COBLL1: variants seen among roughly 807,000 people sequenced by gnomAD.
COBLL1 encodes the protein cordon-bleu WH2 repeat protein like 1, also known as cordon-bleu protein-like 1.
COBLL1 carries 50 observed loss-of-function variants against 94.8 expected under a neutral mutation model. That is an observed-to-expected ratio of 0.53 (90% CI 0.42 to 0.67). The LOEUF (loss-of-function observed/expected upper bound fraction) is 0.67, where lower values mean the gene tolerates loss of function less well. COBLL1 is among the 30% of genes least tolerant of loss of function. COBLL1 has a pLI of 0.00. For missense variants in COBLL1, 1,362 were observed against 1,348.7 expected, an observed-to-expected ratio of 1.01 and a Z score of -0.15; for synonymous variants, 448 against 473.8, an observed-to-expected ratio of 0.95 and a Z score of 0.71.
chr2:164,679,200 T>C (rs988876755), downstream of COBLL1, among the ~76,000 whole-genome samples: 2 of 152,136 alleles, frequency 1.3e-5, no homozygotes, highest in Non-Finnish European at 2.9e-5. Context: ...AAGGCCATAC[T>C]TCTCTAAAGC....
Position 164,743,653 on chromosome 2 carries a change from G to C in COBLL1, c.230+34C>G, listed in dbSNP as rs1375877741. ...AGACTTTCAATGGTGGAATAAGAAG[G>C]GGAGGTCCTGATATTTCATTTACTC... On this transcript the variant is annotated intron_variant, in intron 3 of 13. Coordinates refer to ENST00000652658, the MANE Select transcript of COBLL1 (RefSeq NM_001365672.2). The C allele has an allele frequency of 5.3e-6, 8 of 1,518,642 alleles. No homozygotes were observed. The South Asian group carries it at 7.9e-5, about 15-fold the overall frequency. 94.1% of individuals were successfully genotyped at this position (1,518,642 alleles called of 1,614,324 possible).
intron 2 of COBLL1, among the ~76,000 whole-genome samples, chr2:164,745,713 C>T (rs1033334027): frequency 1.3e-5 from 2 of 152,126 alleles, no homozygotes; most frequent in Admixed American, 1.3e-4. Flanking sequence ...AGATGGGAAA[C>T]ATGAGCTGGG....
At chr2:164,711,467 T>C (rs965982129) in intron 7 of COBLL1, among the ~76,000 whole-genome samples, 2 of 152,214 alleles carry the variant, frequency 1.3e-5, no homozygotes, top group African/African-American at 2.4e-5. Flanking sequence ...GTGCCCAATG[T>C]TCAGGAACCA....
intron 2 of COBLL1, among the ~76,000 whole-genome samples, chr2:164,763,242 C>T (rs1198327120): frequency 1.3e-5 from 2 of 151,150 alleles, no homozygotes; most frequent in Non-Finnish European, 2.9e-5. Context: ...TAGTTTTATG[C>T]AAAAATATAC....
intron 1 of COBLL1, among the ~76,000 whole-genome samples, chr2:164,670,037 A>G (rs1383122029): frequency 1.3e-5 from 2 of 152,228 alleles, no homozygotes; most frequent in Non-Finnish European, 2.9e-5. Flanking sequence ...AAAATATAAT[A>G]CAGATAATAA....
rs1683573726 is a variant in COBLL1, at chr2:164,841,030, G to A, written c.41+126C>T. The A allele has an allele frequency of 1.9e-6, 2 of 1,037,508 alleles. No homozygotes were observed. Among genetic ancestry groups the A allele is most frequent in the Admixed American group, 8.6e-5 (2 of 23,168 alleles). The allele number at this position is 1,037,508 out of a possible 1,614,324, so 64.3% of individuals were successfully genotyped here. On this transcript the variant is annotated intron_variant, in intron 2 of 13. Transcript: ENST00000652658. This position sits in a 1 kb window ranked among gnomAD's most constrained non-coding sequence, Gnocchi z 5.5. Reference sequence around the variant, plus strand: ...GAAGCAGCCTCCCCGGCCGCGTGGAGGACAGTCAGTGAGTCAGGCCGCCGG... The same window carrying A: ...GAAGCAGCCTCCCCGGCCGCGTGGAAGACAGTCAGTGAGTCAGGCCGCCGG...
At chr2:164,798,581 A>C (rs1432567214) in intron 2 of COBLL1, among the ~76,000 whole-genome samples, 1 of 152,236 alleles carries the variant, frequency 6.6e-6, no homozygotes, top group Non-Finnish European at 1.5e-5. Flanking sequence ...CATTTTCTTG[A>C]GAGGGAGTGG....
At chr2:164,840,270 T>C (rs1683525214) in intron 2 of COBLL1, among the ~76,000 whole-genome samples, 1 of 152,174 alleles carries the variant, frequency 6.6e-6, no homozygotes, top group South Asian at 2.1e-4. Flanking sequence ...ATAAACTATG[T>C]TGGAGGAACA....
intron 2 of COBLL1, among the ~76,000 whole-genome samples, chr2:164,760,417 G>A (rs1235333114): frequency 6.6e-6 from 1 of 152,190 alleles, no homozygotes; most frequent in Admixed American, 6.5e-5. Context: ...GGGTTAACAT[G>A]AGGGAGTTTC....
intron 2 of COBLL1, among the ~76,000 whole-genome samples, chr2:164,744,883 T>C (rs1283095877): frequency 1.3e-5 from 2 of 152,188 alleles, no homozygotes; most frequent in East Asian, 1.9e-4. Flanking sequence ...TGAACTTACA[T>C]AGGCCAATCC....
At chr2:164,841,871 G>T, upstream of COBLL1, 2 of 1,023,100 alleles carry the variant, frequency 2.0e-6, no homozygotes, top group South Asian at 3.0e-5. This position sits in a 1 kb window ranked among gnomAD's most constrained non-coding sequence, Gnocchi z 5.5. Flanking sequence ...GGGCAGGGCC[G>T]ACTCAGCACC....
chr2:164,672,770 G>A lies in COBLL1; in HGVS notation n.127-6869C>T, dbSNP rs143755173. 8.3e-3 allele frequency among the ~76,000 whole-genome samples: 1,258 copies of A among 151,028 alleles called. 10 individuals are homozygous for A. The highest frequency in any genetic ancestry group is 0.021 in the African/African-American group (879 of 40,952). On this transcript the variant is annotated intron_variant and non_coding_transcript_variant, in intron 1 of 2. Transcript: ENST00000495084. ...TGTCACTATGAAATTCACAATATTG[G>A]TGTGATGATTCATTATATGTTTTCT...
intron 2 of COBLL1, among the ~76,000 whole-genome samples, chr2:164,788,299 C>T (rs1203352177): frequency 1.3e-5 from 2 of 152,150 alleles, no homozygotes; most frequent in African/African-American, 4.8e-5. Context: ...CTAAGAAAGA[C>T]TGATGTGCAG....
At chr2:164,819,912 G>C (rs968326893) in intron 2 of COBLL1, among the ~76,000 whole-genome samples, 6 of 149,806 alleles carry the variant, frequency 4.0e-5, no homozygotes, top group African/African-American at 1.5e-4. Context: ...TGCAACCTCT[G>C]CCCCCTGGGT....
intron 2 of COBLL1, among the ~76,000 whole-genome samples, chr2:164,814,252 A>G (rs1168104257): frequency 6.6e-6 from 1 of 152,182 alleles, no homozygotes; most frequent in Admixed American, 6.5e-5. Flanking sequence ...AGTATCTCTC[A>G]CACACAGACA....
chr2:164,709,193 T>C (rs906525310), intron 7 of COBLL1, among the ~76,000 whole-genome samples: 2 of 152,192 alleles, frequency 1.3e-5, no homozygotes, highest in African/African-American at 4.8e-5. Context: ...TTAAAATTTG[T>C]CAAAACAGAC....
chr2:164,746,091 A>G (rs1197331521), intron 2 of COBLL1, among the ~76,000 whole-genome samples: 2 of 152,334 alleles, frequency 1.3e-5, no homozygotes, highest in East Asian at 3.9e-4. Flanking sequence ...CATTTCTTTC[A>G]TTTGTCCAGA....
At chr2:164,702,558 C>CAAAAAAAA (rs56011410) in intron 9 of COBLL1, among the ~76,000 whole-genome samples, 35 of 82,064 alleles carry the variant, frequency 4.3e-4, no homozygotes, top group African/African-American at 7.1e-4. Flanking sequence ...TGAGACTCCT[C>CAAAAAAAA]AAAAAAAAAA....
chr2:164,715,840 C>T (rs935472758), intron 7 of COBLL1, among the ~76,000 whole-genome samples: 2 of 151,970 alleles, frequency 1.3e-5, no homozygotes, highest in African/African-American at 4.8e-5. Context: ...TACAGTGTTT[C>T]CAGCCACAAT....
Sources: gnomAD v4.1 joint callset for allele counts (sites outside exome capture counted in the v4.1 genomes callset) on GRCh38, gnomAD v4.1.1 for gene constraint, Gnocchi (gnomAD v3.1) non-coding constraint, MANE v1.5 for transcripts, NCBI Gene and HGNC (gene_info 2026-07-23, HGNC 2026-07-21) for gene names.